The following SLC28A1 variants were observed in gnomAD, a reference collection of about 807,000 sequenced individuals.
SLC28A1 encodes the protein solute carrier family 28 member 1.
A neutral mutation model predicts 74.8 loss-of-function variants in SLC28A1; 64 were observed. The observed-to-expected ratio is 0.86, with a 90% CI of 0.70 to 1.05. The LOEUF (loss-of-function observed/expected upper bound fraction) is 1.05, where lower values mean the gene tolerates loss of function less well. SLC28A1 is among the 50% of genes least tolerant of loss of function. The pLI is 0.00. For missense variants in SLC28A1, 828 were observed against 822.8 expected (o/e 1.01, Z -0.08); for synonymous variants, 359 against 335.0 (o/e 1.07, Z -0.78).
chr15:84,961,566 C>T, the SLC28A1 span: 4 of 449,874 alleles, frequency 8.9e-6, no homozygotes, highest in Middle Eastern at 3.4e-4. Context: ...GTCTTGAACT[C>T]CTGGCCTTAA....
At chr15:84,926,809 GGGT>G in intron 12 of SLC28A1, among the ~76,000 whole-genome samples, 1 of 141,018 alleles carries the variant, frequency 7.1e-6, no homozygotes, top group Admixed American at 7.0e-5. Flanking sequence ...GGGAGGGGGG[GGGT>G]GGTGGTAGGC....
chr15:84,922,613 A>T (rs1276459777), intron 11 of SLC28A1, among the ~76,000 whole-genome samples: 1 of 151,690 alleles, frequency 6.6e-6, no homozygotes, highest in Non-Finnish European at 1.5e-5. Context: ...TCACTCATAC[A>T]CCCGAGTGAC....
intron 9 of SLC28A1, among the ~76,000 whole-genome samples, chr15:84,915,952 G>C (rs2343673): frequency 0.98 from 146,359 of 149,934 alleles, 71,454 homozygotes; most frequent in African/African-American, 0.99. Context: ...TGTTGTTGTT[G>C]TTCTTCTTCT....
At chr15:84,904,330 T>C (rs2141771748) in intron 7 of SLC28A1, 92 bp downstream of exon 7, 1 of 1,586,516 alleles carries the variant, frequency 6.3e-7, no homozygotes, top group Non-Finnish European at 8.6e-7. Flanking sequence ...TAGGCAGATG[T>C]TCCTGTTGGG....
chr15:84,888,873 T>C lies in SLC28A1; in HGVS notation c.185+13T>C. 1 of 1,542,714 alleles carries C rather than the reference T, an allele frequency of 6.5e-7. No homozygotes were observed. The highest frequency in any genetic ancestry group is 8.8e-7 in the Non-Finnish European group (1 of 1,138,852). On this transcript the variant is annotated intron_variant, in intron 4 of 18. Transcript: ENST00000394573. ...CCTTCTCCAGATGGTAGGTGATCTC[T>C]GGAGAGACAAGGGCGGGCCTGGGGT...
chr15:84,890,424 CTG>C lies in SLC28A1; in HGVS notation c.186-18_186-17del. 2 of 1,588,622 alleles carry C rather than the reference CTG, an allele frequency of 1.3e-6. No homozygotes were observed. Among genetic ancestry groups the C allele is most frequent in the Non-Finnish European group, 1.7e-6 (2 of 1,164,584 alleles). On this transcript the variant is annotated splice_polypyrimidine_tract_variant and intron_variant, in intron 4 of 18. Transcript: ENST00000394573. ...GGGTCTGCTCATGCACTCATGGACC[CTG>C]CTGGTCTTGTTCCCAGGAGGAACCT...
intron 12 of SLC28A1, among the ~76,000 whole-genome samples, chr15:84,931,273 T>G (rs926352333): frequency 6.6e-6 from 1 of 152,134 alleles, no homozygotes; most frequent in African/African-American, 2.4e-5. Flanking sequence ...TTATTTTTAT[T>G]TAACACTTTA....
the SLC28A1 span, among the ~76,000 whole-genome samples, chr15:84,960,127 G>T: frequency 2.0e-5 from 3 of 151,712 alleles, no homozygotes; most frequent in African/African-American, 7.3e-5. Context: ...GAATACAGTG[G>T]CACAAAGAGG....
Position 84,890,327 on chromosome 15 carries a change from C to A in SLC28A1, c.186-116C>A, listed in dbSNP as rs760820858. 5.0e-4 allele frequency: 384 copies of A among 762,172 alleles called. 1 individual carries two copies. The highest frequency in any genetic ancestry group is 7.6e-4 in the Non-Finnish European group (338 of 442,916). The allele number at this position is 762,172 out of a possible 1,614,324, so 47.2% of individuals were successfully genotyped here. Reference sequence around the variant, plus strand: ...AGCCCTGTGGGGATGTCAAGGCAAGCCCTGGCTTGCCCCTGTTGCCACTTT... The same window carrying A: ...AGCCCTGTGGGGATGTCAAGGCAAGACCTGGCTTGCCCCTGTTGCCACTTT... On this transcript the variant is annotated intron_variant, in intron 4 of 18. Transcript: ENST00000394573.
chr15:84,925,073 T>TG (rs1468106051), intron 12 of SLC28A1, among the ~76,000 whole-genome samples: 5 of 129,228 alleles, frequency 3.9e-5, no homozygotes, highest in Admixed American at 2.2e-4. Context: ...GCTAGTTTTT[T>TG]TTTTTTTTTT....
chr15:84,902,792 C>T (rs1379193152), intron 6 of SLC28A1, among the ~76,000 whole-genome samples: 1 of 149,600 alleles, frequency 6.7e-6, no homozygotes, highest in South Asian at 2.1e-4. Flanking sequence ...TGCCGTAGTG[C>T]GATCTTGGCT....
At chr15:84,928,547 T>G (rs555657687) in intron 12 of SLC28A1, among the ~76,000 whole-genome samples, 2,445 of 21,822 alleles carry the variant, frequency 0.11, 581 homozygotes, top group Middle Eastern at 0.32. Context: ...TCTTTCTTTC[T>G]TTCTTTCTTT....
At chr15:84,959,490 A>G in the SLC28A1 span, among the ~76,000 whole-genome samples, 35 of 150,128 alleles carry the variant, frequency 2.3e-4, no homozygotes, top group South Asian at 7.4e-3. Flanking sequence ...TTTTTTTGTA[A>G]TGTTAGACCC....
intron 15 of SLC28A1, among the ~76,000 whole-genome samples, chr15:84,938,809 C>T (rs58715048): frequency 0.12 from 18,405 of 151,780 alleles, 1,286 homozygotes; most frequent in African/African-American, 0.2. Flanking sequence ...AAAAATATCC[C>T]TGAGGTGTGG....
chr15:84,904,157 G>A lies in SLC28A1; in HGVS notation c.522G>A (p.Gln174=), dbSNP rs766119140. The stretch of plus-strand genomic sequence containing the variant: ...TGTGGCTGTCTCTGGACACCTCCCA[G>A]CGGCCTGAGCAACTGGTGTCCTTCG... ...LVLWLSLDTS[Q]RPEQLVSFAG... The change falls in exon 7 of 19, where the codon CAG becomes CAA. Residue 174 remains glutamine (Q), a synonymous_variant. Coordinates refer to ENST00000394573, the MANE Select transcript of SLC28A1 (RefSeq NM_004213.5). 2.5e-6 allele frequency: 4 copies of A among 1,614,210 alleles called. No homozygotes were observed. In the South Asian group the frequency reaches 3.3e-5, roughly 13 times the overall value.
Position 84,904,657 on chromosome 15 carries a change from G to A in SLC28A1, c.603+419G>A, listed in dbSNP as rs117273736. Among the ~76,000 whole-genome samples the A allele has an allele frequency of 8.5e-3, 1,293 of 152,234 alleles. 11 individuals carry two copies. Among genetic ancestry groups the A allele is most frequent in the Non-Finnish European group, 9.1e-3 (620 of 68,024 alleles). On this transcript the variant is annotated intron_variant, in intron 7 of 18. Transcript: ENST00000394573. ...GTCTGCTCCCCAGTCCAGCAACAGCGGCGCCTCCATGGAACTTGCCAGAAA... is the reference window on the plus strand; with the variant it reads ...GTCTGCTCCCCAGTCCAGCAACAGCAGCGCCTCCATGGAACTTGCCAGAAA...
chr15:84,966,188 C>G, the SLC28A1 span, among the ~76,000 whole-genome samples: 1 of 152,184 alleles, frequency 6.6e-6, no homozygotes, highest in African/African-American at 2.4e-5. Context: ...AGCGATTCTT[C>G]TGCCTCAGCC....
chr15:84,925,877 A>G (rs1007284175), intron 12 of SLC28A1, among the ~76,000 whole-genome samples: 3 of 152,094 alleles, frequency 2.0e-5, no homozygotes, highest in Non-Finnish European at 4.4e-5. Flanking sequence ...AATTAAGACG[A>G]TAATAACTTA....
In SLC28A1 at chr15:84,884,747, C is replaced by T; in HGVS notation, c.-137C>T. Reference sequence around the variant, plus strand: ...GCTTCCCTCTGGATGCTGACAGAAACAAGGGTGAGAGAAAAGGACAGTAGG... The same window carrying T: ...GCTTCCCTCTGGATGCTGACAGAAATAAGGGTGAGAGAAAAGGACAGTAGG... On this transcript the variant is annotated 5_prime_UTR_variant, in exon 1 of 19. Coordinates refer to ENST00000394573, the MANE Select transcript of SLC28A1 (RefSeq NM_004213.5). The T allele has an allele frequency of 1.0e-6, 1 of 985,474 alleles. No individual in the cohort carries two copies. The highest frequency in any genetic ancestry group is 4.7e-5 in the South Asian group (1 of 21,274). The allele number at this position is 985,474 out of a possible 1,614,324, so 61.0% of individuals were successfully genotyped here.
Sources: gnomAD v4.1 joint callset for allele counts (sites outside exome capture counted in the v4.1 genomes callset) on GRCh38, gnomAD v4.1.1 for gene constraint, MANE v1.5 for transcripts, NCBI Gene and HGNC (gene_info 2026-07-23, HGNC 2026-07-21) for gene names.